DTHD1: variants seen among roughly 807,000 people sequenced by gnomAD.
The protein encoded by DTHD1 is death domain-containing protein 1.
Under a neutral mutation model 74.8 loss-of-function variants are expected in DTHD1, and 59 were observed. The observed-to-expected ratio is 0.79, with a 90% CI of 0.64 to 0.98. DTHD1 has a LOEUF of 0.98. Ranked by LOEUF, DTHD1 falls within the 50% of genes least tolerant of loss-of-function variation. The pLI is 0.00. For synonymous variants in DTHD1, 365 were observed against 371.1 expected (o/e 0.98, Z 0.19); for missense variants, 1,051 against 1,065.4 (o/e 0.99, Z 0.19).
intron 2 of DTHD1, 57 bp downstream of exon 2, chr4:36,284,648 A>G (rs1347268692): frequency 8.5e-6 from 11 of 1,294,648 alleles, no homozygotes; most frequent in Non-Finnish European, 1.1e-5. Context: ...GTGTGTTTCT[A>G]TAGTTAGTAC....
At chr4:36,317,692 A>G (rs1419427599) in intron 8 of DTHD1, among the ~76,000 whole-genome samples, 2 of 152,250 alleles carry the variant, frequency 1.3e-5, no homozygotes. Flanking sequence ...GTGAATAAGT[A>G]CACAAAACAA....
At chr4:36,285,574 C>T (rs958144931) in intron 2 of DTHD1, among the ~76,000 whole-genome samples, 1 of 151,764 alleles carries the variant, frequency 6.6e-6, no homozygotes, top group Non-Finnish European at 1.5e-5. Flanking sequence ...TAATAAGGCC[C>T]TATTTGTCCG....
At chr4:36,318,612 C>CTTTTTTTTTTTTTTTTT (rs397992934) in intron 8 of DTHD1, among the ~76,000 whole-genome samples, 4 of 111,800 alleles carry the variant, frequency 3.6e-5, no homozygotes, top group Admixed American at 1.0e-4. Context: ...TTTTTCTTTT[C>CTTTTTTTTTTTTTTTTT]TTTTTTTTTT....
Position 36,284,496 on chromosome 4 carries a change from C to T in DTHD1, c.792C>T (p.Ser264=). The change falls in exon 2 of 10, where the codon TCC becomes TCT. Residue 264 remains serine, a synonymous_variant. Transcript: ENST00000639862. ...GCCCAAGAGAAGAGATGACCACATC[C>T]TCAATAATATGTGATATCTCCAAGA... The part of the protein sequence containing the change: ...SESPREEMTT[S]SIICDISKKY... 4 of 1,536,860 alleles carry T rather than the reference C, an allele frequency of 2.6e-6. No individual in the cohort carries two copies. In the South Asian group the frequency reaches 3.6e-5, roughly 14 times the overall value.
intron 8 of DTHD1, among the ~76,000 whole-genome samples, chr4:36,327,778 A>G (rs1315497605): frequency 6.6e-6 from 1 of 152,172 alleles, no homozygotes; most frequent in Non-Finnish European, 1.5e-5. Context: ...TTCCATATAT[A>G]TTCCATTTAT....
chr4:36,288,121 T>C (rs1478254110), intron 2 of DTHD1, among the ~76,000 whole-genome samples: 1 of 152,186 alleles, frequency 6.6e-6, no homozygotes, highest in Admixed American at 6.5e-5. Context: ...TATTTTGAGA[T>C]GGAGTCTTGC....
chr4:36,281,871 C>T lies in DTHD1; in HGVS notation c.113C>T (p.Ala38Val). Reference protein sequence around the residue: ...ALLGDDLCEGAGGATWMATVV... With the variant: ...ALLGDDLCEGVGGATWMATVV... ...TTGGGTGATGACCTTTGTGAGGGGG[C>T]TGGTGGGGCCACTTGGATGGCCACT... The change falls in exon 1 of 10, where the codon GCT becomes GTT. Residue 38 changes from alanine (A) to valine (V), a missense_variant. Transcript: ENST00000639862. 1 of 1,270,122 alleles carries T rather than the reference C, an allele frequency of 7.9e-7. No homozygotes were observed. The highest frequency in any genetic ancestry group is 1.5e-5 in the African/African-American group (1 of 65,510). 78.7% of individuals were successfully genotyped at this position (1,270,122 alleles called of 1,614,324 possible).
rs146277370 is a variant in DTHD1, at chr4:36,294,754, T to G, written c.1399-41T>G. On this transcript the variant is annotated intron_variant, in intron 4 of 9. Transcript: ENST00000639862. ...TAGAAATGTACCAATAGTTTGCATC[T>G]TTTCTATTAAAACATAAGAAAAAAT... The G allele has an allele frequency of 4.6e-4, 679 of 1,473,626 alleles. 5 individuals are homozygous for G. The African/African-American group carries it at 8.7e-3, about 19-fold the overall frequency. 91.3% of individuals were successfully genotyped at this position (1,473,626 alleles called of 1,614,324 possible).
At chr4:36,317,154 A>G (rs921852082) in intron 8 of DTHD1, among the ~76,000 whole-genome samples, 22 of 152,180 alleles carry the variant, frequency 1.4e-4, no homozygotes, top group African/African-American at 4.8e-4. Context: ...ATTTTCCCAC[A>G]TTTATATTTT....
At position 36,281,922 on chromosome 4, in the gene DTHD1, G is replaced by A. The variant is rs888275504; in HGVS notation, c.164G>A (p.Ser55Asn). The A allele has an allele frequency of 2.5e-5, 33 of 1,339,550 alleles. No individual in the cohort carries two copies. The East Asian group carries it at 9.0e-4, about 37-fold the overall frequency. 83.0% of individuals were successfully genotyped at this position (1,339,550 alleles called of 1,614,324 possible). Residue 55 changes from serine (S) to asparagine (N), a missense_variant, in exon 1 of 10, where the codon AGC becomes AAC. Physicochemically the swap from Ser to Asn is conservative, Grantham distance 46. Transcript: ENST00000639862. The part of the protein sequence containing the change: ...ATVVFLGQEL[S>N]SALHQLLEHT... ...GTGGTCTTTCTGGGTCAGGAACTCA[G>A]CAGTGCCCTTCACCAGCTGCTGGAG... is the stretch of plus-strand genomic sequence containing the variant.
chr4:36,324,680 G>C (rs1433276312), intron 8 of DTHD1, among the ~76,000 whole-genome samples: 1 of 152,080 alleles, frequency 6.6e-6, no homozygotes, highest in East Asian at 1.9e-4. Context: ...AATAGTAGAA[G>C]CCAAAATTCT....
intron 8 of DTHD1, among the ~76,000 whole-genome samples, chr4:36,326,765 T>G (rs1369175291): frequency 6.6e-6 from 1 of 152,214 alleles, no homozygotes; most frequent in Non-Finnish European, 1.5e-5. Context: ...ATCTAGCAGT[T>G]GCATTTAGCA....
chr4:36,329,727 A>G (rs536551509), intron 8 of DTHD1, among the ~76,000 whole-genome samples: 1 of 152,344 alleles, frequency 6.6e-6, no homozygotes, highest in African/African-American at 2.4e-5. Flanking sequence ...AAACAGTGAA[A>G]CAATGTTCTC....
At chr4:36,296,098 C>T (rs1040014389) in intron 5 of DTHD1, among the ~76,000 whole-genome samples, 1 of 151,900 alleles carries the variant, frequency 6.6e-6, no homozygotes, top group African/African-American at 2.4e-5. Context: ...AACCAGAAAC[C>T]GATTATGTAA....
At chr4:36,289,530 C>A (rs904686375) in intron 2 of DTHD1, among the ~76,000 whole-genome samples, 31 of 152,002 alleles carry the variant, frequency 2.0e-4, no homozygotes, top group Admixed American at 2.0e-4. Flanking sequence ...ATTTTCTGAG[C>A]CTCAGTGTTT....
rs73117659 is a variant in DTHD1 at position 36,283,549 on chromosome 4, G to A, written c.272-427G>A. Among the ~76,000 whole-genome samples the A allele has an allele frequency of 3.5e-3, 527 of 152,268 alleles. 4 individuals are homozygous for A. Among genetic ancestry groups the A allele is most frequent in the East Asian group, 0.012 (62 of 5,182 alleles). On this transcript the variant is annotated intron_variant, in intron 1 of 9. Transcript: ENST00000639862. ...CACCCAAGCCTCATCTGGAGTGTTCGCCTAATTTTCAGCCCAGCATTTTAA... is the reference window on the plus strand; with the variant it reads ...CACCCAAGCCTCATCTGGAGTGTTCACCTAATTTTCAGCCCAGCATTTTAA...
chr4:36,317,257 T>C (rs1757789637), intron 8 of DTHD1, among the ~76,000 whole-genome samples: 1 of 152,232 alleles, frequency 6.6e-6, no homozygotes, highest in South Asian at 2.1e-4. Flanking sequence ...AATATTAATA[T>C]TGAACTTCTG....
intron 8 of DTHD1, among the ~76,000 whole-genome samples, chr4:36,333,097 T>C (rs1423501304): frequency 6.6e-6 from 1 of 152,166 alleles, no homozygotes; most frequent in Non-Finnish European, 1.5e-5. Context: ...CATGCACATA[T>C]TTTATAAATT....
rs1266428636 is a variant in DTHD1, at chr4:36,281,654, G to A, written c.-105G>A. Reference sequence around the variant, plus strand: ...GAGAAAGTGCTGGGCTAGCTGACTCGGATCATCTCCTAGAGTTTAGGAGAA... The same window carrying A: ...GAGAAAGTGCTGGGCTAGCTGACTCAGATCATCTCCTAGAGTTTAGGAGAA... On this transcript the variant is annotated 5_prime_UTR_variant, in exon 1 of 10. Transcript: ENST00000639862. 2.4e-6 allele frequency: 3 copies of A among 1,232,940 alleles called. No individual in the cohort carries two copies. The highest frequency in any genetic ancestry group is 3.0e-6 in the Non-Finnish European group (3 of 988,198). The allele number at this position is 1,232,940 out of a possible 1,614,324, so 76.4% of individuals were successfully genotyped here.
Sources: gnomAD v4.1 joint callset for allele counts (sites outside exome capture counted in the v4.1 genomes callset) on GRCh38, gnomAD v4.1.1 for gene constraint, MANE v1.5 for transcripts, NCBI Gene and HGNC (gene_info 2026-07-23, HGNC 2026-07-21) for gene names.